ARHGAP28: variants seen among roughly 807,000 people sequenced by gnomAD.
ARHGAP28 encodes rho GTPase-activating protein 28.
In ARHGAP28, 56 loss-of-function variants were observed where a neutral mutation model predicts 90.7. That is an observed-to-expected ratio of 0.62 (90% CI 0.50 to 0.77). The LOEUF is 0.77. Among genes scored for constraint, ARHGAP28 ranks in the 30% least tolerant of loss-of-function variants. The probability of loss-of-function intolerance (pLI) is 0.00; values close to 1 mark genes in which losing one functional copy is unlikely to be tolerated. For synonymous variants in ARHGAP28, 308 were observed against 323.3 expected, an observed-to-expected ratio of 0.95 and a Z score of 0.51; for missense variants, 869 against 900.9, an observed-to-expected ratio of 0.96 and a Z score of 0.45.
At chr18:6,813,681 A>T (rs1356789851) in intron 1 of ARHGAP28, among the ~76,000 whole-genome samples, 1 of 152,212 alleles carries the variant, frequency 6.6e-6, no homozygotes, top group Non-Finnish European at 1.5e-5. Flanking sequence ...AGTGAAGAAT[A>T]TAAAGTATAA....
rs757903524 is a variant in ARHGAP28, at chr18:6,882,113, C to A, written c.1291-24C>A. 10 of 1,599,606 alleles carry A rather than the reference C, an allele frequency of 6.3e-6. No individual in the cohort carries two copies. In the African/African-American group the frequency reaches 1.2e-4, roughly 19 times the overall value. On this transcript the variant is annotated intron_variant, in intron 10 of 17. Transcript: ENST00000383472. Reference sequence around the variant, plus strand: ...TCAGGTGGTAAAAGTGCATTGAATACTGACTGTTTTCCTTGATTTACAGCA... The same window carrying A: ...TCAGGTGGTAAAAGTGCATTGAATAATGACTGTTTTCCTTGATTTACAGCA...
At chr18:6,751,627 A>G (rs548550377) in intron 1 of ARHGAP28, among the ~76,000 whole-genome samples, 5 of 152,348 alleles carry the variant, frequency 3.3e-5, no homozygotes, top group Admixed American at 1.3e-4. Context: ...TGCTAATTGC[A>G]TCAACAAGAA....
In ARHGAP28 at chr18:6,851,135, T is replaced by C. The variant is rs777509768; in HGVS notation, c.636+9T>C. The C allele has an allele frequency of 2.6e-5, 42 of 1,612,878 alleles. No homozygotes were observed. In the East Asian group the frequency reaches 3.1e-4, roughly 12 times the overall value. On this transcript the variant is annotated intron_variant, in intron 4 of 17. Coordinates refer to ENST00000383472, the MANE Select transcript of ARHGAP28 (RefSeq NM_001366230.1). ...AGACAAGTGGTTCCATGGTAAGTTA[T>C]AGTTGTGGGGGGATGGTGGTAGGCA...
intron 1 of ARHGAP28, among the ~76,000 whole-genome samples, chr18:6,744,938 G>A (rs11872330): frequency 0.21 from 31,673 of 150,492 alleles, 3,517 homozygotes; most frequent in South Asian, 0.37. Flanking sequence ...TTATGTGCTA[G>A]ATTTAATAAT....
intron 5 of ARHGAP28, among the ~76,000 whole-genome samples, chr18:6,866,735 G>T (rs2057040826): frequency 6.6e-6 from 1 of 152,046 alleles, no homozygotes; most frequent in South Asian, 2.1e-4. Flanking sequence ...CAAAGAGCAG[G>T]CACTCATTCA....
At chr18:6,817,348 C>A (rs1477263860) in intron 1 of ARHGAP28, among the ~76,000 whole-genome samples, 2 of 151,084 alleles carry the variant, frequency 1.3e-5, no homozygotes, top group African/African-American at 4.9e-5. Flanking sequence ...AAAAACAAAA[C>A]AAAACAAGAA....
At chr18:6,811,334 G>A (rs893318292) in intron 1 of ARHGAP28, among the ~76,000 whole-genome samples, 11 of 152,146 alleles carry the variant, frequency 7.2e-5, no homozygotes, top group Non-Finnish European at 1.3e-4. Context: ...GTAGACTGGA[G>A]AGAAGAAAAG....
intron 1 of ARHGAP28, among the ~76,000 whole-genome samples, chr18:6,739,052 G>T (rs1056213889): frequency 6.6e-6 from 1 of 152,162 alleles, no homozygotes; most frequent in African/African-American, 2.4e-5. Context: ...CTTTAAAACT[G>T]TTTTGTGACA....
chr18:6,827,969 A>T (rs1196565811), intron 2 of ARHGAP28, among the ~76,000 whole-genome samples: 2 of 152,098 alleles, frequency 1.3e-5, no homozygotes, highest in Non-Finnish European at 2.9e-5. Context: ...CAGAGGCTGC[A>T]ATCTCGGCAC....
At chr18:6,863,064 A>G (rs975147290) in intron 5 of ARHGAP28, among the ~76,000 whole-genome samples, 1 of 152,098 alleles carries the variant, frequency 6.6e-6, no homozygotes, top group African/African-American at 2.4e-5. Context: ...CTCAGAAATC[A>G]TCTGCATATA....
Position 6,912,794 on chromosome 18 carries a change from T to C in ARHGAP28, c.*640T>C, listed in dbSNP as rs2057405847. 3 of 152,242 alleles carry C rather than the reference T, an allele frequency of 2.0e-5. No individual in the cohort carries two copies. The highest frequency in any genetic ancestry group is 2.0e-4 in the Admixed American group (3 of 15,282). 9.4% of individuals were successfully genotyped at this position (152,242 alleles called of 1,614,324 possible). A position where few individuals can be genotyped will look rare whatever the true frequency, so the allele number is the denominator to read the frequency against. ...GCATTCTGGTGCAAATGAACTTTTC[T>C]CCATCATCGACTGTGGAAAATTGAT... On this transcript the variant is annotated 3_prime_UTR_variant, in exon 18 of 18. Transcript: ENST00000383472.
chr18:6,785,733 A>G (rs1356077464), intron 1 of ARHGAP28, among the ~76,000 whole-genome samples: 1 of 152,246 alleles, frequency 6.6e-6, no homozygotes, highest in Non-Finnish European at 1.5e-5. Context: ...TGTGATGTAT[A>G]AATGAGTTTC....
At chr18:6,780,419 C>T (rs567572769) in intron 1 of ARHGAP28, among the ~76,000 whole-genome samples, 1 of 152,242 alleles carries the variant, frequency 6.6e-6, no homozygotes, top group African/African-American at 2.4e-5. Flanking sequence ...CTAGAGATGA[C>T]TTAAAGTGTT....
intron 11 of ARHGAP28, among the ~76,000 whole-genome samples, chr18:6,886,255 C>T (rs1259715233): frequency 1.3e-5 from 2 of 152,064 alleles, no homozygotes; most frequent in Admixed American, 1.3e-4. Flanking sequence ...CCAGAGATTC[C>T]AGAACATAAT....
At chr18:6,877,622 C>T (rs1458668868) in intron 10 of ARHGAP28, among the ~76,000 whole-genome samples, 2 of 152,176 alleles carry the variant, frequency 1.3e-5, no homozygotes, top group Non-Finnish European at 2.9e-5. Flanking sequence ...TACGGCTTCC[C>T]TGAGAGTGGA....
intron 1 of ARHGAP28, chr18:6,774,153 G>A (rs2143429702): frequency 6.6e-6 from 1 of 152,312 alleles, no homozygotes; most frequent in East Asian, 1.9e-4. Context: ...CTGCCTTTGG[G>A]TCATGGGGAG....
At chr18:6,852,838 ACTCAAATGGCAAGGAGACAGGAGGAAATG>A (rs1038067264) in intron 4 of ARHGAP28, among the ~76,000 whole-genome samples, 33 of 152,290 alleles carry the variant, frequency 2.2e-4, no homozygotes, top group Admixed American at 2.2e-3. Context: ...GTTTATTTCA[ACTCAAATGGCAAGGAGACAGGAGGAAATG>A]CTCAAATCTG....
At chr18:6,787,093 G>A (rs2376528) in intron 1 of ARHGAP28, among the ~76,000 whole-genome samples, 37,351 of 151,544 alleles carry the variant, frequency 0.25, 6,218 homozygotes, top group African/African-American at 0.47. Flanking sequence ...GGTGGTGGAC[G>A]CATGTAATCC....
chr18:6,870,380 A>T (rs991526826), intron 6 of ARHGAP28, among the ~76,000 whole-genome samples: 3 of 152,220 alleles, frequency 2.0e-5, no homozygotes, highest in African/African-American at 7.2e-5. Flanking sequence ...TTGGGCAATG[A>T]TGATAAAAAT....
Sources: allele counts gnomAD v4.1 joint callset (sites outside exome capture counted in the v4.1 genomes callset), GRCh38; gene constraint gnomAD v4.1.1; transcripts MANE v1.5; gene names NCBI Gene and HGNC (gene_info 2026-07-23, HGNC 2026-07-21).